Variants in SHISA9 observed in about 807,000 individuals in gnomAD.
SHISA9 encodes protein shisa-9.
Under a neutral mutation model 38.0 loss-of-function variants are expected in SHISA9, and 13 were observed. The observed-to-expected ratio is 0.34, with a 90% CI of 0.22 to 0.54. The LOEUF is 0.54. SHISA9 is among the 20% of genes least tolerant of loss of function. SHISA9 has a pLI of 0.91. For missense variants in SHISA9, 538 were observed against 575.8 expected (o/e 0.93, Z 0.67); for synonymous variants, 275 against 242.0 (o/e 1.14, Z -1.27).
At chr16:13,476,494 C>T in the SHISA9 span, among the ~76,000 whole-genome samples, 1 of 152,114 alleles carries the variant, frequency 6.6e-6, no homozygotes, top group Non-Finnish European at 1.5e-5. Context: ...CTAGACTGAA[C>T]CCCTGGTGTT....
the SHISA9 span, among the ~76,000 whole-genome samples, chr16:13,385,287 C>G: frequency 1.3e-5 from 2 of 152,230 alleles, no homozygotes; most frequent in Non-Finnish European, 2.9e-5. Flanking sequence ...CAATTGTATT[C>G]TTGGGCATAT....
At chr16:13,547,485 G>A in the SHISA9 span, among the ~76,000 whole-genome samples, 21 of 152,144 alleles carry the variant, frequency 1.4e-4, no homozygotes, top group Non-Finnish European at 2.8e-4. Flanking sequence ...TTTAGTTCAA[G>A]TCCAAAGGCC....
At chr16:13,243,113 C>G (rs1015478417), downstream of SHISA9, among the ~76,000 whole-genome samples, 1 of 152,004 alleles carries the variant, frequency 6.6e-6, no homozygotes, top group Non-Finnish European at 1.5e-5. Context: ...GTGGCATGCT[C>G]CTGTAGTCCC....
chr16:13,559,041 C>T, the SHISA9 span, among the ~76,000 whole-genome samples: 1 of 152,240 alleles, frequency 6.6e-6, no homozygotes, highest in African/African-American at 2.4e-5. Context: ...TTTGCCTTCC[C>T]CACCACAATG....
the SHISA9 span, among the ~76,000 whole-genome samples, chr16:13,381,985 A>C: frequency 6.6e-6 from 1 of 152,362 alleles, no homozygotes; most frequent in East Asian, 1.9e-4. Context: ...TCAAAATTAG[A>C]AAAATATGAA....
chr16:13,062,682 T>C (rs951760535), intron 2 of SHISA9, among the ~76,000 whole-genome samples: 1 of 152,212 alleles, frequency 6.6e-6, no homozygotes, highest in African/African-American at 2.4e-5. Context: ...TTTTTTCCTT[T>C]TGCCCCTGAC....
the SHISA9 span, among the ~76,000 whole-genome samples, chr16:13,269,905 T>C: frequency 9.5e-3 from 1,446 of 152,264 alleles, 27 homozygotes; most frequent in African/African-American, 0.033. Context: ...CACCACAGAT[T>C]TGGTGAAACT....
At chr16:13,529,818 C>T in the SHISA9 span, among the ~76,000 whole-genome samples, 13 of 152,192 alleles carry the variant, frequency 8.5e-5, no homozygotes, top group African/African-American at 3.1e-4. Flanking sequence ...GTGCCGTTCC[C>T]TGGTAGGCAG....
At chr16:13,357,782 A>C in the SHISA9 span, among the ~76,000 whole-genome samples, 2 of 147,312 alleles carry the variant, frequency 1.4e-5, no homozygotes, top group South Asian at 4.5e-4. Flanking sequence ...GGGGGTCGCA[A>C]GGTGCTCAGT....
chr16:12,970,420 C>T lies in SHISA9; in HGVS notation c.691+53605C>T, dbSNP rs796595212. On this transcript the variant is annotated intron_variant, in intron 2 of 4. Coordinates refer to ENST00000558583, the MANE Select transcript of SHISA9 (RefSeq NM_001145204.3). ...ATATATATACATATATATATATACA[C>T]ATATATGTATATATATATACACACA... 6.8e-3 allele frequency among the ~76,000 whole-genome samples: 149 copies of T among 21,812 alleles called. 2 individuals are homozygous for T. Among genetic ancestry groups the T allele is most frequent in the Non-Finnish European group, 8.7e-3 (110 of 12,576 alleles). The allele number at this position is 21,812 out of a possible 152,430, so 14.3% of individuals were successfully genotyped here. A position where few individuals can be genotyped will look rare whatever the true frequency, so the allele number is the denominator to read the frequency against.
At chr16:13,234,200 C>T (rs1347250549) in intron 4 of SHISA9, among the ~76,000 whole-genome samples, 1 of 152,060 alleles carries the variant, frequency 6.6e-6, no homozygotes, top group Non-Finnish European at 1.5e-5. Context: ...CAATGAAATA[C>T]TAGGTACACA....
At chr16:13,028,514 T>TC (rs780710821) in intron 2 of SHISA9, among the ~76,000 whole-genome samples, 110 of 152,160 alleles carry the variant, frequency 7.2e-4, no homozygotes, top group Non-Finnish European at 1.2e-3. Context: ...GGGAGACCCC[T>TC]TATAAAACCA....
chr16:13,561,137 G>C, the SHISA9 span, among the ~76,000 whole-genome samples: 8 of 152,288 alleles, frequency 5.3e-5, no homozygotes, highest in South Asian at 1.7e-3. Context: ...ATAGTGCTGG[G>C]ATTAAAAGCA....
chr16:12,941,447 A>C (rs1045280873), intron 2 of SHISA9, among the ~76,000 whole-genome samples: 2 of 152,260 alleles, frequency 1.3e-5, no homozygotes, highest in Admixed American at 6.5e-5. Context: ...AGTTTGATAC[A>C]GGCATGCAAT....
chr16:13,229,071 A>C (rs909701100), intron 4 of SHISA9, among the ~76,000 whole-genome samples: 1 of 152,170 alleles, frequency 6.6e-6, no homozygotes, highest in Non-Finnish European at 1.5e-5. Context: ...GAGACAGGAG[A>C]ATCACTTCAG....
chr16:13,443,961 G>C, the SHISA9 span, among the ~76,000 whole-genome samples: 1 of 152,168 alleles, frequency 6.6e-6, no homozygotes, highest in Non-Finnish European at 1.5e-5. Context: ...TTCTTGGCCT[G>C]GCAAGGCAAT....
At chr16:13,388,426 C>G in the SHISA9 span, among the ~76,000 whole-genome samples, 3 of 151,904 alleles carry the variant, frequency 2.0e-5, no homozygotes, top group Admixed American at 1.3e-4. Context: ...ATTCTCCTGC[C>G]TCAGCTTCCT....
At chr16:13,408,191 A>G in the SHISA9 span, among the ~76,000 whole-genome samples, 2 of 152,220 alleles carry the variant, frequency 1.3e-5, no homozygotes, top group South Asian at 2.1e-4. Flanking sequence ...TGTTTAAGCC[A>G]TTTTTACACA....
intron 2 of SHISA9, among the ~76,000 whole-genome samples, chr16:12,925,678 T>A (rs2071384996): frequency 6.6e-6 from 1 of 152,192 alleles, no homozygotes; most frequent in African/African-American, 2.4e-5. Context: ...CTGGTTTAGT[T>A]TAAAAGATGC....
Sources: gnomAD v4.1 joint callset for allele counts (sites outside exome capture counted in the v4.1 genomes callset) on GRCh38, gnomAD v4.1.1 for gene constraint, MANE v1.5 for transcripts, NCBI Gene and HGNC (gene_info 2026-07-23, HGNC 2026-07-21) for gene names.